Variants in SEMA6D observed in about 807,000 individuals in gnomAD.
SEMA6D encodes the protein semaphorin 6D.
In SEMA6D, 35 loss-of-function variants were observed where a neutral mutation model predicts 106.6. The ratio of observed to expected loss-of-function variants is 0.33; its 90% confidence interval spans 0.25 to 0.44. SEMA6D has a LOEUF of 0.44. Ranked by LOEUF, SEMA6D falls within the 20% of genes least tolerant of loss-of-function variation. The probability of loss-of-function intolerance (pLI) is 1.00; values close to 1 mark genes in which losing one functional copy is unlikely to be tolerated. For synonymous variants in SEMA6D, 499 were observed against 487.7 expected, an observed-to-expected ratio of 1.02 and a Z score of -0.31; for missense variants, 1,185 against 1,345.9, an observed-to-expected ratio of 0.88 and a Z score of 1.87.
intron 1 of SEMA6D, among the ~76,000 whole-genome samples, chr15:47,366,286 C>T (rs1005480937): frequency 2.0e-5 from 3 of 152,216 alleles, no homozygotes; most frequent in African/African-American, 7.2e-5. Context: ...ACTGTGACTT[C>T]AGGGGAGCCA....
chr15:47,382,729 C>A (rs751574811), intron 1 of SEMA6D, among the ~76,000 whole-genome samples: 8 of 152,198 alleles, frequency 5.3e-5, no homozygotes, highest in Non-Finnish European at 7.3e-5. Flanking sequence ...AGGGACAACC[C>A]TCTGCTTGTA....
At chr15:47,397,767 A>G (rs536311193) in intron 1 of SEMA6D, 2 of 152,338 alleles carry the variant, frequency 1.3e-5, no homozygotes, top group Admixed American at 6.5e-5. Context: ...AAGATGTTGT[A>G]ACATAACTAT....
At position 47,709,049 on chromosome 15, in the gene SEMA6D, C is replaced by T. The variant is rs368798236; in HGVS notation, c.-54-50696C>T. ...ACCATTAAGGGCTGCATCAGTGGGC[C>T]TTCTTGCCCTTTGTCTTCAAGTGAG... On this transcript the variant is annotated intron_variant, in intron 4 of 19. Transcript: ENST00000558014. 2.6e-4 allele frequency among the ~76,000 whole-genome samples: 40 copies of T among 152,274 alleles called. No homozygotes were observed. The East Asian group carries it at 2.9e-3, about 11-fold the overall frequency.
At chr15:47,754,650 AATGTGTGGCTTAT>A (rs1244947050) in intron 1 of SEMA6D, among the ~76,000 whole-genome samples, 4 of 152,152 alleles carry the variant, frequency 2.6e-5, no homozygotes, top group Middle Eastern at 3.2e-3. Context: ...GAATTTCTTG[AATGTGTGGCTTAT>A]AATCATATCA....
chr15:47,301,928 A>ATCT (rs1390870240), intron 1 of SEMA6D, among the ~76,000 whole-genome samples: 1 of 152,176 alleles, frequency 6.6e-6, no homozygotes, highest in Non-Finnish European at 1.5e-5. Context: ...TGTGTAGAAA[A>ATCT]TATTTTAAAA....
intron 1 of SEMA6D, among the ~76,000 whole-genome samples, chr15:47,203,324 A>G (rs1043324332): frequency 6.6e-6 from 1 of 152,086 alleles, no homozygotes. Context: ...AAGAAAGGCA[A>G]TTGTCTTAAG....
At chr15:47,667,050 T>G (rs973489923) in intron 4 of SEMA6D, among the ~76,000 whole-genome samples, 1 of 152,102 alleles carries the variant, frequency 6.6e-6, no homozygotes, top group Admixed American at 6.6e-5. Context: ...CTCCAGAAGA[T>G]TCCAGCAGCG....
chr15:47,764,364 C>T, intron 11 of SEMA6D, 59 bp downstream of exon 11: 1 of 1,565,350 alleles, frequency 6.4e-7, no homozygotes. Flanking sequence ...TCATTGGAAG[C>T]ATCCCTCCTC....
chr15:47,234,034 G>C (rs2032383462), intron 1 of SEMA6D, among the ~76,000 whole-genome samples: 1 of 151,952 alleles, frequency 6.6e-6, no homozygotes, highest in Admixed American at 6.6e-5. Flanking sequence ...TCTAATGTCT[G>C]CTGCCTGAGA....
At chr15:47,308,370 T>C (rs941625700) in intron 1 of SEMA6D, among the ~76,000 whole-genome samples, 2 of 152,232 alleles carry the variant, frequency 1.3e-5, no homozygotes, top group African/African-American at 4.8e-5. Flanking sequence ...ATATACTGCA[T>C]CTGGCATAAC....
chr15:47,677,064 A>C (rs938297472), intron 4 of SEMA6D, among the ~76,000 whole-genome samples: 1 of 152,070 alleles, frequency 6.6e-6, no homozygotes, highest in East Asian at 1.9e-4. Context: ...CTAAGAATCT[A>C]ATGCTGCTGT....
intron 4 of SEMA6D, among the ~76,000 whole-genome samples, chr15:47,697,358 C>G (rs2078722222): frequency 6.6e-6 from 1 of 152,108 alleles, no homozygotes; most frequent in South Asian, 2.1e-4. Context: ...AACAGCAAGC[C>G]CTGCCTTGAT....
chr15:47,443,175 T>C (rs1189378717), intron 2 of SEMA6D, among the ~76,000 whole-genome samples: 5 of 152,134 alleles, frequency 3.3e-5, no homozygotes, highest in Non-Finnish European at 7.4e-5. Context: ...AAAAAAACTT[T>C]ATAGCTACAA....
chr15:47,238,616 A>T (rs1260247152), intron 1 of SEMA6D, among the ~76,000 whole-genome samples: 1 of 152,126 alleles, frequency 6.6e-6, no homozygotes, highest in South Asian at 2.1e-4. Context: ...CATAGTTGAA[A>T]TTCAATACGT....
At chr15:47,438,043 C>A (rs1163103438) in intron 2 of SEMA6D, among the ~76,000 whole-genome samples, 2 of 152,068 alleles carry the variant, frequency 1.3e-5, no homozygotes, top group Non-Finnish European at 2.9e-5. Flanking sequence ...AATTGTTGGA[C>A]TTCACATGTT....
chr15:47,452,949 T>G (rs1263476393), intron 2 of SEMA6D, among the ~76,000 whole-genome samples: 1 of 151,978 alleles, frequency 6.6e-6, no homozygotes, highest in Non-Finnish European at 1.5e-5. Context: ...CCCCATGAGT[T>G]TTTTATTTGT....
chr15:47,348,628 C>T (rs1728583066), intron 1 of SEMA6D, among the ~76,000 whole-genome samples: 2 of 148,650 alleles, frequency 1.3e-5, no homozygotes, highest in African/African-American at 2.5e-5. Flanking sequence ...GAAGCCAGTA[C>T]ATATGTGATT....
intron 1 of SEMA6D, among the ~76,000 whole-genome samples, chr15:47,203,842 ATTTG>A (rs1439585596): frequency 6.6e-6 from 1 of 152,200 alleles, no homozygotes; most frequent in Non-Finnish European, 1.5e-5. Flanking sequence ...ACACATTCCT[ATTTG>A]TTTATTTAAT....
intron 1 of SEMA6D, among the ~76,000 whole-genome samples, chr15:47,264,136 C>G (rs773652709): frequency 2.0e-5 from 3 of 151,870 alleles, no homozygotes; most frequent in Non-Finnish European, 4.4e-5. Flanking sequence ...AAAGTGGGAG[C>G]TAAATGATGA....
Sources: gnomAD v4.1 joint callset for allele counts (sites outside exome capture counted in the v4.1 genomes callset) on GRCh38, gnomAD v4.1.1 for gene constraint, MANE v1.5 for transcripts, NCBI Gene and HGNC (gene_info 2026-07-23, HGNC 2026-07-21) for gene names.